CCDC93: variants seen among roughly 807,000 people sequenced by gnomAD.
CCDC93 encodes the protein coiled-coil domain-containing protein 93.
In CCDC93, 61 loss-of-function variants were observed where a neutral mutation model predicts 108.2. The observed-to-expected ratio is 0.56, with a 90% CI of 0.46 to 0.70. The LOEUF (loss-of-function observed/expected upper bound fraction) is 0.70, where lower values mean the gene tolerates loss of function less well. CCDC93 is among the 30% of genes least tolerant of loss of function. The probability of loss-of-function intolerance (pLI) is 0.00; values close to 1 mark genes in which losing one functional copy is unlikely to be tolerated. For synonymous variants in CCDC93, 276 were observed against 260.4 expected (o/e 1.06, Z -0.58); for missense variants, 685 against 764.2 (o/e 0.90, Z 1.22).
At chr2:117,956,441 G>A (rs927229252) in intron 12 of CCDC93, among the ~76,000 whole-genome samples, 1 of 152,146 alleles carries the variant, frequency 6.6e-6, no homozygotes, top group African/African-American at 2.4e-5. Flanking sequence ...TTAGACAGAA[G>A]GTAGAAGCAA....
At chr2:117,930,950 CA>C (rs2104713865) in intron 23 of CCDC93, 86 bp downstream of exon 23, 2 of 840,822 alleles carry the variant, frequency 2.4e-6, no homozygotes, top group Non-Finnish European at 3.8e-6. Flanking sequence ...AGAGGAAAAC[CA>C]AAAAACTGCT....
intron 3 of CCDC93, among the ~76,000 whole-genome samples, chr2:118,006,073 C>T (rs1204734895): frequency 1.3e-5 from 2 of 152,108 alleles, no homozygotes; most frequent in Non-Finnish European, 2.9e-5. Context: ...ATTATTGCTT[C>T]CTGTTATTTA....
At position 117,918,700 on chromosome 2, in the gene CCDC93, T is replaced by C. The variant is rs1219738135; in HGVS notation, c.*1643A>G. 2 of 152,244 alleles carry C rather than the reference T, an allele frequency of 1.3e-5. No homozygotes were observed. The highest frequency in any genetic ancestry group is 6.5e-5 in the Admixed American group (1 of 15,280). The allele number at this position is 152,244 out of a possible 1,614,324, so 9.4% of individuals were successfully genotyped here. On this transcript the variant is annotated 3_prime_UTR_variant, in exon 24 of 24. Transcript: ENST00000376300. Reference sequence around the variant, plus strand: ...AGAGTGCCACCTGTTCTTTTGCAATTACTTGCTTCAACTTAGCCCTTCAAA... The same window carrying C: ...AGAGTGCCACCTGTTCTTTTGCAATCACTTGCTTCAACTTAGCCCTTCAAA...
intron 13 of CCDC93, chr2:117,951,145 A>T (rs1679043363): frequency 6.1e-6 from 6 of 985,072 alleles, no homozygotes; most frequent in Non-Finnish European, 7.2e-6. Context: ...TTTTGCCTTT[A>T]ATCTCTTTCA....
chr2:117,932,252 G>C (rs575201054), intron 22 of CCDC93, among the ~76,000 whole-genome samples: 1 of 152,328 alleles, frequency 6.6e-6, no homozygotes, highest in African/African-American at 2.4e-5. Flanking sequence ...AAAGCTTGTT[G>C]AATCAAATTC....
intron 1 of CCDC93, chr2:118,012,695 G>A (rs1009501589): frequency 6.6e-6 from 1 of 152,216 alleles, no homozygotes. Context: ...CCCAGGCAAC[G>A]TGCATGTAAG....
chr2:117,929,344 G>C (rs1573462871), intron 23 of CCDC93, among the ~76,000 whole-genome samples: 2 of 152,306 alleles, frequency 1.3e-5, no homozygotes, highest in East Asian at 3.9e-4. Context: ...GGCCTGGCAA[G>C]AATCTGGTCT....
At position 117,941,032 on chromosome 2, in the gene CCDC93, C is replaced by G. The variant is rs546505927; in HGVS notation, c.1522+157G>C. On this transcript the variant is annotated intron_variant, in intron 19 of 23. Coordinates refer to ENST00000376300, the MANE Select transcript of CCDC93 (RefSeq NM_019044.5). The stretch of plus-strand genomic sequence containing the variant: ...CAGTGAGAGCACCACAGTGCTGCTC[C>G]CGGGACTGCCAAGTGGGCCTGCTGA... 2.6e-4 allele frequency among the ~76,000 whole-genome samples: 40 copies of G among 152,138 alleles called. No individual in the cohort carries two copies. In the South Asian group the frequency reaches 4.0e-3, roughly 15 times the overall value.
chr2:117,972,682 C>CT (rs936138854), intron 11 of CCDC93, among the ~76,000 whole-genome samples: 2 of 152,002 alleles, frequency 1.3e-5, no homozygotes, highest in African/African-American at 4.8e-5. Context: ...AACTCACACT[C>CT]TTGCCATTCA....
chr2:117,973,414 GAAA>G (rs11387750), intron 11 of CCDC93, among the ~76,000 whole-genome samples: 3 of 142,284 alleles, frequency 2.1e-5, no homozygotes, highest in Non-Finnish European at 1.5e-5. Flanking sequence ...TCTTAGGATG[GAAA>G]AAAAAAAAAA....
chr2:117,984,533 T>A (rs1037784214), intron 7 of CCDC93, among the ~76,000 whole-genome samples: 1 of 152,188 alleles, frequency 6.6e-6, no homozygotes, highest in Non-Finnish European at 1.5e-5. Context: ...AACCTGAGAA[T>A]TTCAGAACAA....
intron 1 of CCDC93, chr2:118,008,986 C>T: frequency 5.0e-6 from 1 of 198,156 alleles, no homozygotes; most frequent in Non-Finnish European, 1.0e-5. Flanking sequence ...TTTCTCTAAC[C>T]CATGGTTTAC....
chr2:118,011,879 C>A (rs1677029462), intron 1 of CCDC93, among the ~76,000 whole-genome samples: 1 of 152,162 alleles, frequency 6.6e-6, no homozygotes, highest in Non-Finnish European at 1.5e-5. Flanking sequence ...CAGATTAACA[C>A]TGAAATCAAA....
At chr2:117,922,748 C>T (rs991777517) in intron 23 of CCDC93, among the ~76,000 whole-genome samples, 3 of 152,070 alleles carry the variant, frequency 2.0e-5, no homozygotes, top group African/African-American at 7.2e-5. Context: ...GGTGAGAAGG[C>T]AAAATAGAGG....
intron 11 of CCDC93, among the ~76,000 whole-genome samples, chr2:117,966,454 G>C (rs577443275): frequency 6.6e-6 from 1 of 152,220 alleles, no homozygotes; most frequent in South Asian, 2.1e-4. Context: ...AGTTCTGAGA[G>C]CTGATAAAGG....
At chr2:117,988,207 C>T (rs1027649795) in intron 6 of CCDC93, among the ~76,000 whole-genome samples, 1 of 151,868 alleles carries the variant, frequency 6.6e-6, no homozygotes, top group Non-Finnish European at 1.5e-5. Flanking sequence ...TAAGGTGACC[C>T]TTTTGTAAAG....
chr2:117,923,926 C>T (rs1371544556), intron 23 of CCDC93, among the ~76,000 whole-genome samples: 1 of 152,200 alleles, frequency 6.6e-6, no homozygotes, highest in African/African-American at 2.4e-5. Flanking sequence ...TCCTCTGAGA[C>T]AAAACTTCCA....
At chr2:117,961,483 T>C (rs1179487654) in intron 11 of CCDC93, among the ~76,000 whole-genome samples, 2 of 152,228 alleles carry the variant, frequency 1.3e-5, no homozygotes, top group Non-Finnish European at 2.9e-5. Flanking sequence ...AATGGGAAGT[T>C]ATTTTTAGTC....
chr2:117,936,905 C>T (rs947910326), intron 20 of CCDC93, 166 bp from the exon 21 acceptor site: 1 of 621,398 alleles, frequency 1.6e-6, no homozygotes, highest in Non-Finnish European at 2.9e-6. Context: ...GCCACATGTT[C>T]TGTCTCACAG....
Sources: gnomAD v4.1 joint callset for allele counts (sites outside exome capture counted in the v4.1 genomes callset) on GRCh38, gnomAD v4.1.1 for gene constraint, MANE v1.5 for transcripts, NCBI Gene and HGNC (gene_info 2026-07-23, HGNC 2026-07-21) for gene names.